The following TBCK variants were observed in gnomAD, a reference collection of about 807,000 sequenced individuals.
The protein encoded by TBCK is TBC1 domain containing kinase, also known as TBC domain-containing protein kinase-like protein.
Under a neutral mutation model 113.4 loss-of-function variants are expected in TBCK, and 99 were observed. The ratio of observed to expected loss-of-function variants is 0.87; its 90% CI spans 0.74 to 1.03. The LOEUF is 1.03. Among genes scored for constraint, TBCK ranks in the 50% least tolerant of loss-of-function variants. The pLI is 0.00. For missense variants in TBCK, 1,045 were observed against 1,061.3 expected, an observed-to-expected ratio of 0.98 and a Z score of 0.21; for synonymous variants, 369 against 370.8, an observed-to-expected ratio of 1.00 and a Z score of 0.05.
chr4:106,062,447 T>C (rs12510966), intron 25 of TBCK, among the ~76,000 whole-genome samples: 42,421 of 151,696 alleles, frequency 0.28, 6,203 homozygotes, highest in Middle Eastern at 0.34. Context: ...TCAGCTTCTG[T>C]TTACACTAGA....
intron 7 of TBCK, among the ~76,000 whole-genome samples, chr4:106,249,187 C>T (rs960813958): frequency 1.3e-5 from 2 of 152,076 alleles, no homozygotes; most frequent in African/African-American, 4.8e-5. Flanking sequence ...ATAACTGACA[C>T]TGAAAGATAC....
chr4:106,127,585 A>T (rs1004337393), intron 23 of TBCK, among the ~76,000 whole-genome samples: 10 of 152,182 alleles, frequency 6.6e-5, no homozygotes, highest in Admixed American at 1.3e-4. Flanking sequence ...TTCCCCAAAT[A>T]GTAGAAAACC....
At chr4:106,269,736 A>G (rs182453613) in intron 3 of TBCK, among the ~76,000 whole-genome samples, 1 of 152,302 alleles carries the variant, frequency 6.6e-6, no homozygotes, top group African/African-American at 2.4e-5. Context: ...TTTAACTCCA[A>G]AATAATCAAA....
chr4:106,263,984 T>C (rs1054239050), intron 3 of TBCK, among the ~76,000 whole-genome samples: 2 of 152,022 alleles, frequency 1.3e-5, no homozygotes, highest in African/African-American at 4.8e-5. Flanking sequence ...TATTTTACAT[T>C]ATCAAATAAT....
In TBCK at chr4:106,045,625, T is replaced by C. The variant is rs1734152066; in HGVS notation, c.*945A>G. The C allele has an allele frequency of 6.6e-6, 1 of 152,254 alleles. No homozygotes were observed. Among genetic ancestry groups the C allele is most frequent in the South Asian group, 2.1e-4 (1 of 4,828 alleles). 9.4% of individuals were successfully genotyped at this position (152,254 alleles called of 1,614,324 possible). A position where few individuals can be genotyped will look rare whatever the true frequency, so the allele number is the denominator to read the frequency against. The stretch of plus-strand genomic sequence containing the variant: ...GGTAGTGTGCGCAACTTCTGGTTTA[T>C]GACCTTAAAGGGAAGGAGTGTGCTT... On this transcript the variant is annotated 3_prime_UTR_variant, in exon 26 of 26. Coordinates refer to ENST00000394708, the MANE Select transcript of TBCK (RefSeq NM_001163435.3).
chr4:106,201,903 T>G (rs1560811007), intron 20 of TBCK, among the ~76,000 whole-genome samples: 1 of 152,098 alleles, frequency 6.6e-6, no homozygotes, highest in African/African-American at 2.4e-5. Context: ...AGTTTAATGC[T>G]TTTGCAATGA....
intron 25 of TBCK, among the ~76,000 whole-genome samples, chr4:106,047,486 C>T (rs554647941): frequency 6.6e-6 from 1 of 152,238 alleles, no homozygotes; most frequent in South Asian, 2.1e-4. Flanking sequence ...TCTTTAGCGC[C>T]TCCTCAATAG....
intron 22 of TBCK, among the ~76,000 whole-genome samples, chr4:106,186,008 A>G (rs979895064): frequency 1.3e-5 from 2 of 152,072 alleles, no homozygotes; most frequent in Non-Finnish European, 2.9e-5. Context: ...CTGCATAAGT[A>G]TGTTAAAGAT....
At position 106,234,991 on chromosome 4, in the gene TBCK, T is replaced by C. The variant is rs577735248; in HGVS notation, c.1449+278A>G. ...CAGGACTACCCATTTATAACTGATA[T>C]ATATTCTTAAAATATTCTATGGTAA... On this transcript the variant is annotated intron_variant, in intron 15 of 25. Coordinates refer to ENST00000394708, the MANE Select transcript of TBCK (RefSeq NM_001163435.3). 5.9e-5 allele frequency among the ~76,000 whole-genome samples: 9 copies of C among 152,256 alleles called. 1 individual carries two copies. Among genetic ancestry groups the C allele is most frequent in the African/African-American group, 1.4e-4 (6 of 41,560 alleles).
chr4:106,150,134 C>G (rs1024020993), intron 23 of TBCK, among the ~76,000 whole-genome samples: 1 of 152,088 alleles, frequency 6.6e-6, no homozygotes, highest in Non-Finnish European at 1.5e-5. Flanking sequence ...AAAAGAGAGG[C>G]TTAGAGAGTG....
intron 3 of TBCK, among the ~76,000 whole-genome samples, chr4:106,291,416 C>T (rs1208900196): frequency 2.0e-5 from 3 of 152,208 alleles, no homozygotes. Context: ...AAAATACCAA[C>T]AGTCCTACTT....
intron 5 of TBCK, among the ~76,000 whole-genome samples, chr4:106,260,104 C>T (rs1043174562): frequency 6.6e-6 from 1 of 151,884 alleles, no homozygotes; most frequent in African/African-American, 2.4e-5. Context: ...GATGCACACA[C>T]ATTATCATTA....
intron 25 of TBCK, among the ~76,000 whole-genome samples, chr4:106,089,255 C>CTCTCACATGAA (rs533823072): frequency 1.2e-3 from 189 of 152,224 alleles, no homozygotes; most frequent in African/African-American, 4.4e-3. Flanking sequence ...CTCATAACAA[C>CTCTCACATGAA]TCTCACATGA....
At chr4:106,218,201 C>T (rs1346998959) in intron 19 of TBCK, among the ~76,000 whole-genome samples, 58 of 145,114 alleles carry the variant, frequency 4.0e-4, no homozygotes, top group Admixed American at 8.2e-4. Flanking sequence ...TTCCTTACAC[C>T]TTATACAAAA....
At chr4:106,118,990 T>C (rs932886620) in intron 23 of TBCK, among the ~76,000 whole-genome samples, 2 of 152,226 alleles carry the variant, frequency 1.3e-5, no homozygotes, top group South Asian at 4.1e-4. Flanking sequence ...ATTAGTAAAT[T>C]AAATTTAGAA....
intron 23 of TBCK, among the ~76,000 whole-genome samples, chr4:106,127,376 A>T (rs1167173329): frequency 6.6e-6 from 1 of 152,154 alleles, no homozygotes; most frequent in Non-Finnish European, 1.5e-5. Context: ...AACAAAGTTC[A>T]AAAATCTGTA....
intron 23 of TBCK, among the ~76,000 whole-genome samples, chr4:106,168,870 T>C (rs1750683864): frequency 6.6e-6 from 1 of 151,868 alleles, no homozygotes; most frequent in African/African-American, 2.4e-5. Flanking sequence ...ATTTCCTGGA[T>C]AGGAGACTCA....
chr4:106,131,712 A>G (rs1745954050), intron 23 of TBCK, among the ~76,000 whole-genome samples: 1 of 152,224 alleles, frequency 6.6e-6, no homozygotes, highest in Admixed American at 6.5e-5. Flanking sequence ...GGAACTGAGT[A>G]ACAGACAGAA....
chr4:106,210,073 A>G (rs1755953362), intron 20 of TBCK, among the ~76,000 whole-genome samples: 1 of 152,096 alleles, frequency 6.6e-6, no homozygotes, highest in Non-Finnish European at 1.5e-5. Context: ...TTGTGAGGAG[A>G]GACATTTACT....
Sources: gnomAD v4.1 joint callset for allele counts (sites outside exome capture counted in the v4.1 genomes callset) on GRCh38, gnomAD v4.1.1 for gene constraint, MANE v1.5 for transcripts, NCBI Gene and HGNC (gene_info 2026-07-23, HGNC 2026-07-21) for gene names.